Variants in MSRB3 observed in about 807,000 individuals in gnomAD.
MSRB3 encodes the protein methionine sulfoxide reductase B3.
MSRB3 carries 13 observed loss-of-function variants against 21.0 expected under a neutral mutation model. The ratio of observed to expected loss-of-function variants is 0.62; its 90% CI spans 0.40 to 0.98. The LOEUF (loss-of-function observed/expected upper bound fraction) is 0.98, where lower values mean the gene tolerates loss of function less well. Ranked by LOEUF, MSRB3 falls within the 50% of genes least tolerant of loss-of-function variation. The pLI, the probability that MSRB3 is intolerant of heterozygous loss-of-function variation, is 0.00. For synonymous variants in MSRB3, 87 were observed against 88.6 expected (o/e 0.98, Z 0.10); for missense variants, 199 against 230.3 (o/e 0.86, Z 0.88).
At chr12:65,413,515 C>G (rs1880820737) in intron 5 of MSRB3, among the ~76,000 whole-genome samples, 1 of 152,116 alleles carries the variant, frequency 6.6e-6, no homozygotes, top group Admixed American at 6.6e-5. Context: ...CCTGTTTTAG[C>G]TTATTCTCTT....
At chr12:65,331,546 A>T in intron 4 of MSRB3, among the ~76,000 whole-genome samples, 1 of 152,074 alleles carries the variant, frequency 6.6e-6, no homozygotes, top group Non-Finnish European at 1.5e-5. Flanking sequence ...ATTTGCTGGA[A>T]ATTTACCCTC....
intron 5 of MSRB3, among the ~76,000 whole-genome samples, chr12:65,441,935 A>G (rs938496213): frequency 6.6e-6 from 1 of 152,056 alleles, no homozygotes; most frequent in Non-Finnish European, 1.5e-5. Flanking sequence ...AATTCTAAGT[A>G]ATTATTTTGT....
At chr12:65,456,147 T>C (rs1417388566) in intron 6 of MSRB3, among the ~76,000 whole-genome samples, 1 of 152,242 alleles carries the variant, frequency 6.6e-6, no homozygotes. Context: ...AGGTACACAG[T>C]ATTTAGTAAA....
intron 5 of MSRB3, among the ~76,000 whole-genome samples, chr12:65,449,438 C>G (rs1415530431): frequency 6.6e-6 from 1 of 152,080 alleles, no homozygotes; most frequent in Non-Finnish European, 1.5e-5. Flanking sequence ...ATTCCAGCTA[C>G]AAATAATCTG....
chr12:65,330,856 A>T (rs1223124681), intron 4 of MSRB3, among the ~76,000 whole-genome samples: 2 of 152,192 alleles, frequency 1.3e-5, no homozygotes, highest in Non-Finnish European at 2.9e-5. Flanking sequence ...CCATCTGCTG[A>T]CTGTCCATTC....
At chr12:65,303,122 A>T (rs1873441332) in intron 1 of MSRB3, among the ~76,000 whole-genome samples, 1 of 152,040 alleles carries the variant, frequency 6.6e-6, no homozygotes, top group South Asian at 2.1e-4. Context: ...AAAACCACTG[A>T]TGTAGACATT....
chr12:65,364,599 CTTCTT>C (rs1877900712), intron 4 of MSRB3, among the ~76,000 whole-genome samples: 1 of 152,110 alleles, frequency 6.6e-6, no homozygotes, highest in Non-Finnish European at 1.5e-5. Flanking sequence ...AATGACCATC[CTTCTT>C]TTCTTTTCTT....
Position 65,461,732 on chromosome 12 carries a change from C to T in MSRB3, c.391-1423C>T, listed in dbSNP as rs536495404. 5.3e-5 allele frequency among the ~76,000 whole-genome samples: 8 copies of T among 152,266 alleles called. No homozygotes were observed. In the South Asian group the frequency reaches 1.7e-3, roughly 32 times the overall value. On this transcript the variant is annotated intron_variant, in intron 6 of 6. Coordinates refer to ENST00000308259, the MANE Select transcript of MSRB3 (RefSeq NM_001031679.3). ...AGTCCCTTGTGAATTCATACTCTTT[C>T]CTTGAAACTTATAAGTGTTTTATAC...
At chr12:65,345,750 C>T (rs956109508) in intron 4 of MSRB3, among the ~76,000 whole-genome samples, 8 of 151,902 alleles carry the variant, frequency 5.3e-5, no homozygotes, top group East Asian at 3.9e-4. Flanking sequence ...CCCCACAACA[C>T]GCCACGGTGT....
chr12:65,456,532 C>T (rs1281864933), intron 6 of MSRB3, among the ~76,000 whole-genome samples: 1 of 152,176 alleles, frequency 6.6e-6, no homozygotes, highest in Non-Finnish European at 1.5e-5. Context: ...AGAAGTCAGG[C>T]TAAACCAAGC....
chr12:65,439,259 A>C (rs1592639217), intron 5 of MSRB3, among the ~76,000 whole-genome samples: 1 of 151,832 alleles, frequency 6.6e-6, no homozygotes, highest in East Asian at 1.9e-4. Context: ...TACAGGAATA[A>C]ATTAACATAA....
intron 5 of MSRB3, among the ~76,000 whole-genome samples, chr12:65,437,412 T>C (rs1166590489): frequency 6.6e-6 from 1 of 151,952 alleles, no homozygotes; most frequent in African/African-American, 2.4e-5. Flanking sequence ...TATCCTCTTA[T>C]TCTCTCAGCA....
chr12:65,423,056 G>A (rs951863063), intron 5 of MSRB3, among the ~76,000 whole-genome samples: 2 of 148,796 alleles, frequency 1.3e-5, no homozygotes, highest in Non-Finnish European at 3.0e-5. Flanking sequence ...TCTGCCACCT[G>A]GGTTCAAGTG....
At chr12:65,383,918 C>T (rs1047270890) in intron 5 of MSRB3, among the ~76,000 whole-genome samples, 25 of 152,268 alleles carry the variant, frequency 1.6e-4, no homozygotes, top group African/African-American at 5.5e-4. Flanking sequence ...CTCGGCCTCC[C>T]AAAGTGTTGG....
At chr12:65,322,782 A>G (rs1292937324) in intron 2 of MSRB3, among the ~76,000 whole-genome samples, 1 of 152,066 alleles carries the variant, frequency 6.6e-6, no homozygotes, top group Non-Finnish European at 1.5e-5. Context: ...AAGGTATGTT[A>G]TAACCTCTCC....
intron 4 of MSRB3, among the ~76,000 whole-genome samples, chr12:65,352,491 G>T (rs1240006568): frequency 6.6e-6 from 1 of 151,564 alleles, no homozygotes; most frequent in African/African-American, 2.4e-5. Flanking sequence ...AGGAAATAAA[G>T]GGTATTCAAT....
intron 4 of MSRB3, among the ~76,000 whole-genome samples, chr12:65,346,532 G>A (rs1468977298): frequency 1.3e-5 from 2 of 152,046 alleles, no homozygotes; most frequent in African/African-American, 4.8e-5. Context: ...CCATTCTGTA[G>A]GTTGACTGTT....
intron 5 of MSRB3, among the ~76,000 whole-genome samples, chr12:65,389,732 G>T (rs1879376838): frequency 6.6e-6 from 1 of 151,978 alleles, no homozygotes; most frequent in African/African-American, 2.4e-5. Context: ...GTGCTCTCTG[G>T]GTCCTGGATT....
chr12:65,302,238 T>C (rs1489312523), intron 1 of MSRB3, among the ~76,000 whole-genome samples: 2 of 152,128 alleles, frequency 1.3e-5, no homozygotes, highest in Non-Finnish European at 2.9e-5. Flanking sequence ...TCCAAAAGTT[T>C]GAGAATGGGT....
Sources: allele counts gnomAD v4.1 joint callset (sites outside exome capture counted in the v4.1 genomes callset), GRCh38; gene constraint gnomAD v4.1.1; transcripts MANE v1.5; gene names NCBI Gene and HGNC (gene_info 2026-07-23, HGNC 2026-07-21).